Variants in KNTC1 observed in about 807,000 individuals in gnomAD.
KNTC1 encodes the protein kinetochore-associated protein 1.
Under a neutral mutation model 314.4 loss-of-function variants are expected in KNTC1, and 253 were observed. The ratio of observed to expected loss-of-function variants is 0.80; its 90% CI spans 0.73 to 0.89. The LOEUF (loss-of-function observed/expected upper bound fraction) is 0.89. Among genes scored for constraint, KNTC1 ranks in the 40% least tolerant of loss-of-function variants. KNTC1 has a pLI of 0.00. For synonymous variants in KNTC1, 901 were observed against 901.4 expected (o/e 1.00, Z 0.01); for missense variants, 2,475 against 2,572.9 (o/e 0.96, Z 0.82).
chr12:122,577,584 C>A, intron 30 of KNTC1, 88 bp from the exon 31 acceptor site: 1 of 1,238,652 alleles, frequency 8.1e-7, no homozygotes, highest in Non-Finnish European at 1.1e-6. Flanking sequence ...GATGTATTTT[C>A]ATCTTTAAAT....
Position 122,573,107 on chromosome 12 carries a change from G to A in KNTC1, c.2140-35G>A, listed in dbSNP as rs529337998. ...TTTTGTATATCAAGTTATGGGTAGAGTCTGTATTTATTCCATCTTTCTTTT... is the reference window on the plus strand; with the variant it reads ...TTTTGTATATCAAGTTATGGGTAGAATCTGTATTTATTCCATCTTTCTTTT... On this transcript the variant is annotated intron_variant, in intron 25 of 63. Coordinates refer to ENST00000333479, the MANE Select transcript of KNTC1 (RefSeq NM_014708.6). The A allele has an allele frequency of 6.2e-6, 10 of 1,613,700 alleles. No homozygotes were observed. The South Asian group carries it at 9.9e-5, about 16-fold the overall frequency.
intron 62 of KNTC1, among the ~76,000 whole-genome samples, chr12:122,623,892 C>T (rs1039434680): frequency 1.3e-5 from 2 of 152,146 alleles, no homozygotes; most frequent in African/African-American, 4.8e-5. Flanking sequence ...CATGATGAAA[C>T]CCTGTCTCTA....
chr12:122,610,789 A>T (rs768202656), intron 52 of KNTC1, 33 bp from the exon 53 acceptor site: 61 of 1,389,256 alleles, frequency 4.4e-5, no homozygotes, highest in Non-Finnish European at 6.0e-5. Flanking sequence ...TCACTAAATT[A>T]AAAAATGACT....
intron 38 of KNTC1, 113 bp downstream of exon 38, chr12:122,586,870 T>C (rs1869416420): frequency 4.1e-6 from 1 of 246,800 alleles, no homozygotes; most frequent in African/African-American, 2.3e-5. Flanking sequence ...TGGAGTGAAA[T>C]GGCATGATTG....
At chr12:122,555,418 A>G (rs538630624) in intron 16 of KNTC1, among the ~76,000 whole-genome samples, 5 of 152,220 alleles carry the variant, frequency 3.3e-5, no homozygotes, top group African/African-American at 1.2e-4. Flanking sequence ...TGGGCATGGC[A>G]GTGGATGCCT....
At chr12:122,548,497 A>G (rs2137757705) in intron 12 of KNTC1, among the ~76,000 whole-genome samples, 1 of 152,216 alleles carries the variant, frequency 6.6e-6, no homozygotes, top group South Asian at 2.1e-4. Context: ...GGTGTGAGCC[A>G]CTGCGCCCGG....
chr12:122,586,906 C>G (rs1377662151), intron 38 of KNTC1, 149 bp downstream of exon 38: 5 of 199,546 alleles, frequency 2.5e-5, no homozygotes, highest in Non-Finnish European at 2.9e-5. Context: ...TCTCCACCTC[C>G]CGGGCTCAAG....
intron 51 of KNTC1, among the ~76,000 whole-genome samples, chr12:122,609,012 T>C (rs1178551160): frequency 6.6e-6 from 1 of 152,140 alleles, no homozygotes; most frequent in Non-Finnish European, 1.5e-5. Flanking sequence ...TGAGCCGTGG[T>C]TGTGCCACTG....
chr12:122,616,230 G>C (rs930472000), intron 57 of KNTC1, among the ~76,000 whole-genome samples: 1 of 151,492 alleles, frequency 6.6e-6, no homozygotes, highest in Non-Finnish European at 1.5e-5. Context: ...CTAAGGGAAC[G>C]ACTGCTTACA....
At chr12:122,591,249 T>G in intron 41 of KNTC1, 88 bp from the exon 42 acceptor site, 1 of 772,692 alleles carries the variant, frequency 1.3e-6, no homozygotes, top group Non-Finnish European at 2.4e-6. Context: ...CACAAAGTTA[T>G]GATTTTTATT....
rs373077445 is a variant in KNTC1 at position 122,597,854 on chromosome 12, A to G, written c.4479A>G (p.Lys1493=). ...SMDSAKRRHP[K]LLAKALEMVP... Reference sequence around the variant, plus strand: ...ACTCTGCAAAGCGGCGGCATCCCAAACTCCTGGCCAAAGCCCTTGAGATGG... The same window carrying G: ...ACTCTGCAAAGCGGCGGCATCCCAAGCTCCTGGCCAAAGCCCTTGAGATGG... Residue 1493 remains lysine (K), a synonymous_variant, in exon 44 of 64, where the codon AAA becomes AAG. Transcript: ENST00000333479. 1.3e-5 allele frequency: 21 copies of G among 1,613,892 alleles called. No homozygotes were observed. In the African/African-American group the frequency reaches 2.8e-4, roughly 22 times the overall value.
intron 14 of KNTC1, 33 bp from the exon 15 acceptor site, chr12:122,551,425 G>T: frequency 6.4e-7 from 1 of 1,555,482 alleles, no homozygotes; most frequent in Non-Finnish European, 8.8e-7. Context: ...AATATTAAAA[G>T]ACAAGCGCAT....
intron 53 of KNTC1, 116 bp downstream of exon 53, chr12:122,611,016 A>C: frequency 1.4e-6 from 1 of 729,016 alleles, no homozygotes; most frequent in East Asian, 2.6e-5. Flanking sequence ...GCTCACGTAC[A>C]TATGTATTCA....
At chr12:122,551,435 T>C in intron 14 of KNTC1, 23 bp from the exon 15 acceptor site, 2 of 1,561,164 alleles carry the variant, frequency 1.3e-6, no homozygotes, top group Non-Finnish European at 1.7e-6. Flanking sequence ...GACAAGCGCA[T>C]TTATAGTTAA....
chr12:122,613,125 A>G lies in KNTC1; in HGVS notation c.5636A>G (p.His1879Arg). 6.2e-7 allele frequency: 1 copy of G among 1,609,632 alleles called. No individual in the cohort carries two copies. Residue 1879 changes from histidine to arginine, a missense_variant, in exon 54 of 64, where the codon CAT becomes CGT. Coordinates refer to ENST00000333479, the MANE Select transcript of KNTC1 (RefSeq NM_014708.6). ...TTGGTTTTTCAGACATTAGGTATGC[A>G]TCAGTTAACTTTTGCCCATAGAACT... ...ATSTTTTLGMHQLTFAHRTRA... is the reference protein window; with the variant it reads ...ATSTTTTLGMRQLTFAHRTRA...
In KNTC1 at chr12:122,597,793, C is replaced by T; in HGVS notation, c.4418C>T (p.Thr1473Ile). The change falls in exon 44 of 64, where the codon ACA (threonine) becomes ATA (isoleucine). Residue 1473 changes from threonine to isoleucine, a missense_variant. Thr to Ile is a moderately conservative substitution (Grantham distance 89). Transcript: ENST00000333479. Reference protein sequence around the residue: ...QLFIETLLHNTNAGQGQGDAS... With the variant: ...QLFIETLLHNINAGQGQGDAS... The stretch of plus-strand genomic sequence containing the variant: ...TTCATTGAAACGCTGCTCCACAACA[C>T]AAATGCCGGCCAAGGCCAGGGAGAT... 1 of 1,614,032 alleles carries T rather than the reference C, an allele frequency of 6.2e-7. No individual in the cohort carries two copies. The highest frequency in any genetic ancestry group is 8.5e-7 in the Non-Finnish European group (1 of 1,179,888).
intron 10 of KNTC1, among the ~76,000 whole-genome samples, 167 bp from the exon 11 acceptor site, chr12:122,547,248 G>A (rs1483881689): frequency 6.6e-6 from 1 of 151,600 alleles, no homozygotes; most frequent in Non-Finnish European, 1.5e-5. Context: ...GGTGGTGGGC[G>A]CCTGTAATCC....
At chr12:122,541,323 T>TCCTTCCTTCCTTCCTC in intron 5 of KNTC1, among the ~76,000 whole-genome samples, 1 of 134,208 alleles carries the variant, frequency 7.5e-6, no homozygotes, top group African/African-American at 3.5e-5. Flanking sequence ...CTTCCTTCCT[T>TCCTTCCTTCCTTCCTC]CCGTCCTTCC....
At chr12:122,540,061 G>A (rs1962171261) in intron 5 of KNTC1, among the ~76,000 whole-genome samples, 1 of 152,098 alleles carries the variant, frequency 6.6e-6, no homozygotes, top group Non-Finnish European at 1.5e-5. Flanking sequence ...TGGGATTACA[G>A]GCGTGAGCCA....
Sources: gnomAD v4.1 joint callset for allele counts (sites outside exome capture counted in the v4.1 genomes callset) on GRCh38, gnomAD v4.1.1 for gene constraint, MANE v1.5 for transcripts, NCBI Gene and HGNC (gene_info 2026-07-23, HGNC 2026-07-21) for gene names.